Variants in PDE10A observed in about 807,000 individuals in gnomAD.
The protein encoded by PDE10A is phosphodiesterase 10A.
A neutral mutation model predicts 97.7 loss-of-function variants in PDE10A; 39 were observed. The observed-to-expected ratio is 0.40, with a 90% CI of 0.31 to 0.52. The LOEUF is 0.52. PDE10A is among the 20% of genes least tolerant of loss of function. The pLI is 0.56. For missense variants in PDE10A, 731 were observed against 1,047.8 expected, an observed-to-expected ratio of 0.70 and a Z score of 4.17; for synonymous variants, 371 against 376.8, an observed-to-expected ratio of 0.98 and a Z score of 0.18.
intron 1 of PDE10A, among the ~76,000 whole-genome samples, chr6:165,753,435 C>A (rs1412291614): frequency 6.6e-6 from 1 of 152,168 alleles, no homozygotes. Context: ...GACAAGGGGG[C>A]AGTGTTATCA....
intron 1 of PDE10A, among the ~76,000 whole-genome samples, chr6:165,975,381 G>A (rs1784818548): frequency 6.6e-6 from 1 of 152,184 alleles, no homozygotes; most frequent in South Asian, 2.1e-4. Context: ...AGAAGTGGGT[G>A]ATTAGTTGGG....
intron 1 of PDE10A, among the ~76,000 whole-genome samples, chr6:165,890,631 A>G (rs1781766558): frequency 6.6e-6 from 1 of 152,160 alleles, no homozygotes; most frequent in Non-Finnish European, 1.5e-5. Context: ...TTCTCAGTGG[A>G]TCTCAAGTAG....
intron 10 of PDE10A, among the ~76,000 whole-genome samples, chr6:165,422,008 G>A (rs1431915762): frequency 6.6e-6 from 1 of 152,052 alleles, no homozygotes; most frequent in Non-Finnish European, 1.5e-5. Flanking sequence ...AGGTTGCAGT[G>A]AGCAGAGATT....
At chr6:165,500,442 T>C (rs560629034) in intron 2 of PDE10A, among the ~76,000 whole-genome samples, 2 of 152,318 alleles carry the variant, frequency 1.3e-5, no homozygotes, top group South Asian at 4.1e-4. Flanking sequence ...CTGTGCTGTG[T>C]TGACTCAAGG....
chr6:165,681,307 C>G (rs1790971449), intron 1 of PDE10A, among the ~76,000 whole-genome samples: 1 of 152,048 alleles, frequency 6.6e-6, no homozygotes, highest in Non-Finnish European at 1.5e-5. Context: ...TTTCGTATGG[C>G]TATAGAAAAA....
At chr6:165,632,031 C>T (rs1414436230) in intron 1 of PDE10A, among the ~76,000 whole-genome samples, 4 of 151,200 alleles carry the variant, frequency 2.6e-5, no homozygotes, top group African/African-American at 9.7e-5. Context: ...TGAAACTCTG[C>T]CTTTACTAAA....
chr6:165,517,471 T>G (rs537122576), intron 2 of PDE10A, among the ~76,000 whole-genome samples: 1 of 152,184 alleles, frequency 6.6e-6, no homozygotes, highest in Non-Finnish European at 1.5e-5. Flanking sequence ...TAAAATAGCA[T>G]TAATATTATC....
rs1256488067 is a variant in PDE10A, at chr6:165,535,457, T to C, written c.994+7983A>G. Reference sequence around the variant, plus strand: ...GTACATATTATTTAACTCCTACTTATAAGTGAGAACATACAATATGTGATT... The same window carrying C: ...GTACATATTATTTAACTCCTACTTACAAGTGAGAACATACAATATGTGATT... On this transcript the variant is annotated intron_variant, in intron 2 of 21. Transcript: ENST00000539869. 2.0e-5 allele frequency among the ~76,000 whole-genome samples: 3 copies of C among 152,092 alleles called. No homozygotes were observed. In the East Asian group the frequency reaches 5.8e-4, roughly 29 times the overall value.
At chr6:165,714,620 A>G (rs1486431033) in intron 1 of PDE10A, among the ~76,000 whole-genome samples, 1 of 152,208 alleles carries the variant, frequency 6.6e-6, no homozygotes, top group Non-Finnish European at 1.5e-5. Context: ...CAGCCCATCC[A>G]CAGGGGTGTC....
At chr6:165,438,636 T>G (rs1193933468) in intron 5 of PDE10A, among the ~76,000 whole-genome samples, 1 of 152,206 alleles carries the variant, frequency 6.6e-6, no homozygotes, top group Non-Finnish European at 1.5e-5. Context: ...TCTTAGTATT[T>G]CAAAATAATC....
intron 1 of PDE10A, among the ~76,000 whole-genome samples, chr6:165,612,145 C>T (rs1253614364): frequency 6.6e-6 from 1 of 152,132 alleles, no homozygotes; most frequent in Non-Finnish European, 1.5e-5. Context: ...GTTATCTAGA[C>T]CAAATGAGAT....
At chr6:165,458,969 C>T (rs1778131122) in intron 3 of PDE10A, among the ~76,000 whole-genome samples, 1 of 150,796 alleles carries the variant, frequency 6.6e-6, no homozygotes, top group Non-Finnish European at 1.5e-5. Flanking sequence ...GCTATTTAGG[C>T]ATCACATTTC....
At chr6:165,399,480 G>T (rs748124600) in intron 13 of PDE10A, among the ~76,000 whole-genome samples, 71 of 152,066 alleles carry the variant, frequency 4.7e-4, no homozygotes, top group Non-Finnish European at 6.5e-4. Flanking sequence ...TGTGCACAAC[G>T]TGCAGGTTTG....
chr6:165,815,700 G>T (rs1343241534), intron 1 of PDE10A, among the ~76,000 whole-genome samples: 2 of 152,122 alleles, frequency 1.3e-5, no homozygotes, highest in South Asian at 2.1e-4. Context: ...CTTCATAGAG[G>T]GAAGTCCTAT....
intron 1 of PDE10A, chr6:165,894,430 C>T (rs1325720687): frequency 2.2e-6 from 1 of 455,778 alleles, no homozygotes; most frequent in Non-Finnish European, 4.4e-6. Flanking sequence ...TAAGTCAAGG[C>T]CTGCATTCAG....
chr6:165,872,680 T>G lies in PDE10A; in HGVS notation c.-615+114849A>C, dbSNP rs116431172. 7.9e-3 allele frequency among the ~76,000 whole-genome samples: 1,207 copies of G among 152,228 alleles called. 15 individuals carry two copies. Among genetic ancestry groups the G allele is most frequent in the African/African-American group, 0.028 (1,168 of 41,526 alleles). Reference sequence around the variant, plus strand: ...TTTTTGTTGTTGTTGTTTGTTTTGTTTTTTAACAAAAAGCACTTTATTTCA... The same window carrying G: ...TTTTTGTTGTTGTTGTTTGTTTTGTGTTTTAACAAAAAGCACTTTATTTCA... On this transcript the variant is annotated intron_variant, in intron 1 of 19. Transcript: ENST00000366882.
chr6:165,828,723 C>T (rs1041438626), intron 1 of PDE10A, among the ~76,000 whole-genome samples: 56 of 152,202 alleles, frequency 3.7e-4, no homozygotes, highest in African/African-American at 1.3e-3. Flanking sequence ...AATGAGCAGC[C>T]GTCACCAGCA....
rs1023592220 is a variant in PDE10A at position 165,682,617 on chromosome 6, C to T, written c.-614-139049G>A. On this transcript the variant is annotated intron_variant, in intron 1 of 19. Transcript: ENST00000366882. ...GATACCATAAAAAGACGGCTATCTACGAACCGGAAAGCCAGCCTTCACCAG... is the reference window on the plus strand; with the variant it reads ...GATACCATAAAAAGACGGCTATCTATGAACCGGAAAGCCAGCCTTCACCAG... 3.9e-5 allele frequency among the ~76,000 whole-genome samples: 6 copies of T among 152,142 alleles called. No homozygotes were observed. The South Asian group carries it at 6.2e-4, about 16-fold the overall frequency.
At chr6:165,403,618 T>C (rs772966121) in intron 13 of PDE10A, among the ~76,000 whole-genome samples, 1 of 152,228 alleles carries the variant, frequency 6.6e-6, no homozygotes, top group African/African-American at 2.4e-5. Context: ...AAAATACTTA[T>C]TAAACTACAT....
Sources: allele counts gnomAD v4.1 joint callset (sites outside exome capture counted in the v4.1 genomes callset), GRCh38; gene constraint gnomAD v4.1.1; transcripts MANE v1.5; gene names NCBI Gene and HGNC (gene_info 2026-07-23, HGNC 2026-07-21).